The following RORA variants were observed in gnomAD, a reference collection of about 807,000 sequenced individuals.
RORA encodes the protein nuclear receptor ROR-alpha.
RORA carries 7 observed loss-of-function variants against 69.5 expected under a neutral mutation model. That is an observed-to-expected ratio of 0.10 (90% CI 0.06 to 0.19). The LOEUF (loss-of-function observed/expected upper bound fraction) is 0.19, where lower values mean the gene tolerates loss of function less well. RORA is among the 10% of genes least tolerant of loss of function. The probability of loss-of-function intolerance (pLI) is 1.00; values close to 1 mark genes in which losing one functional copy is unlikely to be tolerated. For synonymous variants in RORA, 261 were observed against 240.8 expected (o/e 1.08, Z -0.78); for missense variants, 457 against 663.0 (o/e 0.69, Z 3.41).
chr15:61,218,079 T>C (rs1320768674), intron 1 of RORA, among the ~76,000 whole-genome samples: 1 of 152,066 alleles, frequency 6.6e-6, no homozygotes, highest in African/African-American at 2.4e-5. Context: ...AAATAGATCA[T>C]GAAACCAATG....
intron 1 of RORA, among the ~76,000 whole-genome samples, chr15:60,986,127 C>T (rs768027460): frequency 2.3e-4 from 35 of 151,954 alleles, no homozygotes; most frequent in Non-Finnish European, 4.6e-4. Flanking sequence ...GTACAGTCAA[C>T]TGATTTCTTC....
chr15:60,514,685 G>T lies in RORA; in HGVS notation c.355C>A (p.Arg119=). 2 of 1,613,988 alleles carry T rather than the reference G, an allele frequency of 1.2e-6. No homozygotes were observed. The highest frequency in any genetic ancestry group is 1.7e-6 in the Non-Finnish European group (2 of 1,179,910). The change falls in exon 4 of 11, where the codon CGA becomes AGA. Residue 119 remains arginine (R), a synonymous_variant. Transcript: ENST00000335670. ...TGTTGGCAGCGGTTTCTACTGGTTC[G>T]ATCAATCAAACAGTTCTTCTGACGA... ...CPRQKNCLID[R]TSRNRCQHCR... is the part of the protein sequence containing the mutation.
intron 1 of RORA, among the ~76,000 whole-genome samples, chr15:60,790,376 G>A (rs1471947216): frequency 1.3e-5 from 2 of 152,232 alleles, no homozygotes; most frequent in African/African-American, 4.8e-5. Context: ...TGTTGATGTT[G>A]AAGGGAAGTG....
intron 6 of RORA, 99 bp from the exon 7 acceptor site, chr15:60,503,766 C>T (rs898056154): frequency 1.4e-6 from 2 of 1,415,840 alleles, no homozygotes; most frequent in African/African-American, 2.9e-5. Context: ...ACTGCTTTAG[C>T]CCTGGGCCAC....
rs559172273 is a variant in RORA, at chr15:60,665,819, C to T, written c.196+12838G>A. On this transcript the variant is annotated intron_variant, in intron 2 of 10. Coordinates refer to ENST00000335670, the MANE Select transcript of RORA (RefSeq NM_134261.3). ...CCTCCCTAGTAGCTGAGATTACAGG[C>T]GCCTGTCACCATGCCCGGCTAATTT... Among the ~76,000 whole-genome samples, 31 of 152,154 alleles carry T rather than the reference C, an allele frequency of 2.0e-4. 1 individual carries two copies. In the South Asian group the frequency reaches 6.2e-3, roughly 31 times the overall value.
chr15:60,562,709 G>A (rs1249674935), intron 2 of RORA, among the ~76,000 whole-genome samples: 2 of 151,646 alleles, frequency 1.3e-5, no homozygotes, highest in Non-Finnish European at 2.9e-5. Context: ...GCCTCCCAAA[G>A]TGCTGGGATT....
intron 1 of RORA, among the ~76,000 whole-genome samples, chr15:60,720,908 T>A: frequency 6.6e-6 from 1 of 152,152 alleles, no homozygotes; most frequent in East Asian, 1.9e-4. Context: ...TCAAGCACAA[T>A]GTAACCAAAA....
chr15:60,917,157 C>T (rs759374712), intron 1 of RORA, among the ~76,000 whole-genome samples: 20 of 152,176 alleles, frequency 1.3e-4, no homozygotes, highest in Non-Finnish European at 2.2e-4. Flanking sequence ...GGCACCTACC[C>T]GCCTCCCCAA....
rs2066702728 is a variant in RORA, at chr15:60,537,078, T to A, written c.197-5227A>T. ...TTTATGGATTAGTCACTTTATTTTA[T>A]CCCCTGTTTAAAACTGCCAGGGTAT... On this transcript the variant is annotated intron_variant, in intron 2 of 10. Coordinates refer to ENST00000335670, the MANE Select transcript of RORA (RefSeq NM_134261.3). The surrounding 1 kb of genome is among the most constrained non-coding windows in gnomAD (Gnocchi z 4.9). Among the ~76,000 whole-genome samples the A allele has an allele frequency of 6.6e-6, 1 of 152,236 alleles. No homozygotes were observed. The highest frequency in any genetic ancestry group is 2.1e-4 in the South Asian group (1 of 4,828).
rs1294258189 is a variant in RORA at position 60,489,228 on chromosome 15, C to T, written c.*8227G>A. 6.6e-6 allele frequency: 1 copy of T among 152,240 alleles called. No homozygotes were observed. Among genetic ancestry groups the T allele is most frequent in the East Asian group, 1.9e-4 (1 of 5,202 alleles). 9.4% of individuals were successfully genotyped at this position (152,240 alleles called of 1,614,324 possible). A position where few individuals can be genotyped will look rare whatever the true frequency, so the allele number is the denominator to read the frequency against. ...AAAAGGTTAACTACTAGCATTAGCT[C>T]TCATTAACCACACAATTGCATTTAT... On this transcript the variant is annotated 3_prime_UTR_variant, in exon 11 of 11. Coordinates refer to ENST00000335670, the MANE Select transcript of RORA (RefSeq NM_134261.3).
intron 1 of RORA, among the ~76,000 whole-genome samples, chr15:61,138,324 G>A (rs906771606): frequency 2.0e-5 from 3 of 152,166 alleles, no homozygotes; most frequent in African/African-American, 7.2e-5. Flanking sequence ...TAAAAAAAGT[G>A]ACTCACATAG....
intron 1 of RORA, among the ~76,000 whole-genome samples, chr15:61,118,365 G>T (rs1430307795): frequency 6.6e-6 from 1 of 152,132 alleles, no homozygotes; most frequent in African/African-American, 2.4e-5. Flanking sequence ...GCTGTACTGG[G>T]ATTATTTTCC....
At chr15:60,924,704 G>A (rs1892156146) in intron 1 of RORA, among the ~76,000 whole-genome samples, 1 of 152,100 alleles carries the variant, frequency 6.6e-6, no homozygotes, top group Admixed American at 6.5e-5. Flanking sequence ...CAGGCCATGT[G>A]GTGGAAATAC....
Position 60,614,985 on chromosome 15 carries a change from T to C in RORA, c.196+63672A>G, listed in dbSNP as rs201818123. 73 of 1,613,946 alleles carry C rather than the reference T, an allele frequency of 4.5e-5. No individual in the cohort carries two copies. The Admixed American group carries it at 5.7e-4, about 13-fold the overall frequency. On this transcript the variant is annotated intron_variant, in intron 2 of 10. Coordinates refer to ENST00000335670, the MANE Select transcript of RORA (RefSeq NM_134261.3). The stretch of plus-strand genomic sequence containing the variant: ...CTCCATCCCAGTTTATGTGCTCAAG[T>C]TGAGACCAGAACAGCCTGCTCAGGG...
At chr15:60,912,037 G>C (rs13379663) in intron 1 of RORA, among the ~76,000 whole-genome samples, 2 of 152,228 alleles carry the variant, frequency 1.3e-5, no homozygotes, top group African/African-American at 2.4e-5. Context: ...GAAGGTCACA[G>C]AGGTGGAGAA....
intron 1 of RORA, among the ~76,000 whole-genome samples, chr15:60,992,575 T>C (rs1464547279): frequency 1.3e-5 from 2 of 152,168 alleles, no homozygotes; most frequent in Non-Finnish European, 2.9e-5. Flanking sequence ...GTGGGATCAC[T>C]TCCTTCTCCT....
At chr15:61,164,222 T>C (rs1401735082) in intron 1 of RORA, among the ~76,000 whole-genome samples, 3 of 152,200 alleles carry the variant, frequency 2.0e-5, no homozygotes, top group African/African-American at 7.2e-5. Context: ...GTATAAGGTT[T>C]CATCAGCACT....
At chr15:61,050,583 T>C (rs562174928) in intron 1 of RORA, among the ~76,000 whole-genome samples, 6 of 152,288 alleles carry the variant, frequency 3.9e-5, no homozygotes, top group Non-Finnish European at 8.8e-5. Context: ...GGGCAAGAGA[T>C]GTTCTAAACA....
At position 60,492,191 on chromosome 15, in the gene RORA, T is replaced by A. The variant is rs1490075242; in HGVS notation, c.*5264A>T. On this transcript the variant is annotated 3_prime_UTR_variant, in exon 11 of 11. Transcript: ENST00000335670. ...GTTCCTCTATCATAGTAAGAAAATA[T>A]ATAAATCTTCTTGTGAATGTGTATC... 6.6e-6 allele frequency: 1 copy of A among 152,206 alleles called. No homozygotes were observed. Among genetic ancestry groups the A allele is most frequent in the Non-Finnish European group, 1.5e-5 (1 of 68,030 alleles). The allele number at this position is 152,206 out of a possible 1,614,324, so 9.4% of individuals were successfully genotyped here. A position where few individuals can be genotyped will look rare whatever the true frequency, so the allele number is the denominator to read the frequency against.
Sources: gnomAD v4.1 joint callset for allele counts (sites outside exome capture counted in the v4.1 genomes callset) on GRCh38, gnomAD v4.1.1 for gene constraint, Gnocchi (gnomAD v3.1) non-coding constraint, MANE v1.5 for transcripts, NCBI Gene and HGNC (gene_info 2026-07-23, HGNC 2026-07-21) for gene names.